The following ZNF804B variants were observed in gnomAD, a reference collection of about 807,000 sequenced individuals.
The protein encoded by ZNF804B is zinc finger 804B.
ZNF804B carries 80 observed loss-of-function variants against 101.4 expected under a neutral mutation model. The ratio of observed to expected loss-of-function variants is 0.79; its 90% CI spans 0.66 to 0.95. ZNF804B has a LOEUF of 0.95. Among genes scored for constraint, ZNF804B ranks in the 40% least tolerant of loss-of-function variants. The probability of loss-of-function intolerance (pLI) is 0.00; values close to 1 mark genes in which losing one functional copy is unlikely to be tolerated. For synonymous variants in ZNF804B, 622 were observed against 558.8 expected (o/e 1.11, Z -1.59); for missense variants, 1,673 against 1,561.9 (o/e 1.07, Z -1.20).
intron 1 of ZNF804B, among the ~76,000 whole-genome samples, chr7:89,150,268 A>G (rs1381041117): frequency 5.9e-5 from 9 of 152,112 alleles, no homozygotes; most frequent in African/African-American, 2.2e-4. Flanking sequence ...TTAGGTATTC[A>G]CTAGGAGTCT....
intron 1 of ZNF804B, among the ~76,000 whole-genome samples, chr7:88,783,670 C>T (rs917276489): frequency 1.4e-4 from 22 of 152,028 alleles, no homozygotes; most frequent in African/African-American, 5.1e-4. Flanking sequence ...TGCAGAGAAT[C>T]GTTACAATAA....
intron 1 of ZNF804B, among the ~76,000 whole-genome samples, chr7:89,197,099 A>G (rs1192038490): frequency 6.6e-6 from 1 of 152,072 alleles, no homozygotes; most frequent in Non-Finnish European, 1.5e-5. Context: ...TATTTGACCC[A>G]GCAATCTTAA....
chr7:88,885,799 C>G (rs1042297112), intron 1 of ZNF804B, among the ~76,000 whole-genome samples: 1 of 151,404 alleles, frequency 6.6e-6, no homozygotes, highest in African/African-American at 2.4e-5. Context: ...TCTGTTTAAA[C>G]CTGCTGAAAC....
chr7:88,844,445 T>C (rs1008218706), intron 1 of ZNF804B, among the ~76,000 whole-genome samples: 1 of 152,238 alleles, frequency 6.6e-6, no homozygotes, highest in Admixed American at 6.5e-5. Context: ...ATTTGTCTAA[T>C]TCCTTCTTTG....
At chr7:89,171,279 GCTGCTGCT>G (rs1791220566) in intron 1 of ZNF804B, among the ~76,000 whole-genome samples, 1 of 70,544 alleles carries the variant, frequency 1.4e-5, no homozygotes, top group African/African-American at 6.0e-5. Flanking sequence ...CACAAATAAT[GCTGCTGCT>G]GCTTCTTCTT....
intron 2 of ZNF804B, among the ~76,000 whole-genome samples, chr7:89,292,907 G>A (rs1048117806): frequency 6.6e-6 from 1 of 151,804 alleles, no homozygotes; most frequent in East Asian, 1.9e-4. Context: ...TTAACCAAAG[G>A]TATCTAGGAC....
At chr7:89,220,043 GTGCA>G (rs1788970437) in intron 2 of ZNF804B, among the ~76,000 whole-genome samples, 1 of 133,276 alleles carries the variant, frequency 7.5e-6, no homozygotes, top group African/African-American at 3.0e-5. Context: ...GCACATATAT[GTGCA>G]TATATACATA....
chr7:88,790,393 G>A (rs1790363902), intron 1 of ZNF804B, among the ~76,000 whole-genome samples: 1 of 151,958 alleles, frequency 6.6e-6, no homozygotes, highest in Non-Finnish European at 1.5e-5. Context: ...AGCCCCACGT[G>A]CATTAGCTAT....
At chr7:89,232,037 T>C (rs951228092) in intron 2 of ZNF804B, among the ~76,000 whole-genome samples, 1 of 152,112 alleles carries the variant, frequency 6.6e-6, no homozygotes, top group Non-Finnish European at 1.5e-5. Flanking sequence ...TTGAGTATGA[T>C]GTTAGTTATA....
At chr7:89,024,319 T>C (rs1426748039) in intron 1 of ZNF804B, among the ~76,000 whole-genome samples, 1 of 152,174 alleles carries the variant, frequency 6.6e-6, no homozygotes, top group Non-Finnish European at 1.5e-5. Context: ...TTAACTCATG[T>C]CAACTTATTA....
intron 1 of ZNF804B, among the ~76,000 whole-genome samples, chr7:89,112,105 C>A (rs1313598400): frequency 1.9e-3 from 221 of 118,652 alleles, no homozygotes; most frequent in Admixed American, 2.0e-3. Flanking sequence ...GACTCTATCT[C>A]AAAAAAAAAA....
At chr7:88,796,688 G>A (rs907310708) in intron 1 of ZNF804B, among the ~76,000 whole-genome samples, 3 of 152,072 alleles carry the variant, frequency 2.0e-5, no homozygotes, top group Non-Finnish European at 4.4e-5. Flanking sequence ...TAGGCTCTGC[G>A]CTCATGATGT....
At chr7:88,869,244 A>C (rs1791779902) in intron 1 of ZNF804B, among the ~76,000 whole-genome samples, 1 of 152,212 alleles carries the variant, frequency 6.6e-6, no homozygotes, top group South Asian at 2.1e-4. Flanking sequence ...ATTGGTCACA[A>C]CTATAAAACA....
At chr7:89,020,272 C>T (rs957344378) in intron 1 of ZNF804B, among the ~76,000 whole-genome samples, 1 of 151,964 alleles carries the variant, frequency 6.6e-6, no homozygotes. Context: ...TTTAGTTTTT[C>T]CTTGCCAGGA....
chr7:89,180,195 A>G (rs1366438063), intron 1 of ZNF804B, among the ~76,000 whole-genome samples: 2 of 152,130 alleles, frequency 1.3e-5, no homozygotes, highest in Admixed American at 1.3e-4. Context: ...CTCTTTAGAT[A>G]GCAGATGGTA....
chr7:89,202,683 T>C (rs1238762500), intron 1 of ZNF804B, among the ~76,000 whole-genome samples: 2 of 152,086 alleles, frequency 1.3e-5, no homozygotes, highest in Non-Finnish European at 2.9e-5. Flanking sequence ...GATGAGGAAA[T>C]AGACCCTCCT....
chr7:89,207,987 A>G (rs2115668434), intron 1 of ZNF804B, among the ~76,000 whole-genome samples: 1 of 152,092 alleles, frequency 6.6e-6, no homozygotes, highest in Admixed American at 6.5e-5. Flanking sequence ...TCTGTATTAG[A>G]GAAACTGATA....
rs533598332 is a variant in ZNF804B, at chr7:89,116,807, G to A, written c.109-101348G>A. On this transcript the variant is annotated intron_variant, in intron 1 of 3. Coordinates refer to ENST00000333190, the MANE Select transcript of ZNF804B (RefSeq NM_181646.5). ...ATTTTAAATTACCTAGATTCCACTA[G>A]AGTGCTATATAGTAAGTTGAATAAT... Among the ~76,000 whole-genome samples the A allele has an allele frequency of 1.8e-4, 27 of 152,230 alleles. No homozygotes were observed. In the South Asian group the frequency reaches 5.4e-3, roughly 30 times the overall value.
intron 1 of ZNF804B, among the ~76,000 whole-genome samples, chr7:88,929,283 CAG>C (rs976165492): frequency 2.0e-5 from 3 of 151,260 alleles, no homozygotes; most frequent in African/African-American, 7.3e-5. Flanking sequence ...TAAGAGGCAA[CAG>C]AGAGTCCAGT....
Sources: gnomAD v4.1 joint callset for allele counts (sites outside exome capture counted in the v4.1 genomes callset) on GRCh38, gnomAD v4.1.1 for gene constraint, MANE v1.5 for transcripts, NCBI Gene and HGNC (gene_info 2026-07-23, HGNC 2026-07-21) for gene names.